Variants in EFCAB6 observed in about 807,000 individuals in gnomAD.
EFCAB6 encodes EF-hand calcium-binding domain-containing protein 6.
EFCAB6 carries 156 observed loss-of-function variants against 169.8 expected under a neutral mutation model. The observed-to-expected ratio is 0.92, with a 90% CI of 0.81 to 1.05. EFCAB6 has a LOEUF of 1.05. EFCAB6 is among the 50% of genes least tolerant of loss of function. The pLI is 0.00. For missense variants in EFCAB6, 1,800 were observed against 1,829.1 expected (o/e 0.98, Z 0.29); for synonymous variants, 698 against 676.4 (o/e 1.03, Z -0.50).
intron 22 of EFCAB6, among the ~76,000 whole-genome samples, chr22:43,606,741 C>T (rs1337030243): frequency 6.6e-6 from 1 of 152,238 alleles, no homozygotes; most frequent in Non-Finnish European, 1.5e-5. Flanking sequence ...CAGTTGTCAA[C>T]ACAGGGTGAA....
Position 43,537,654 on chromosome 22 carries a change from T to C in EFCAB6, c.3880-109A>G. The C allele has an allele frequency of 1.6e-6, 2 of 1,245,942 alleles. No homozygotes were observed. The highest frequency in any genetic ancestry group is 2.4e-4 in the Middle Eastern group (1 of 4,184). 77.2% of individuals were successfully genotyped at this position (1,245,942 alleles called of 1,614,324 possible). On this transcript the variant is annotated intron_variant, in intron 28 of 31. Coordinates refer to ENST00000262726, the MANE Select transcript of EFCAB6 (RefSeq NM_022785.4). This position sits in a 1 kb window ranked among gnomAD's most constrained non-coding sequence, Gnocchi z 4.3. ...GAGGTTCACAATTTTAGAGGCAGAA[T>C]TAGCCCAGAAATAAAATGAAGAATA... is the stretch of plus-strand genomic sequence containing the variant.
intron 17 of EFCAB6, among the ~76,000 whole-genome samples, chr22:43,656,876 G>A (rs1460035706): frequency 2.0e-5 from 3 of 152,152 alleles, no homozygotes; most frequent in African/African-American, 7.2e-5. Context: ...CAACCAAATC[G>A]CCTAACGATG....
At chr22:43,696,057 T>C (rs899505720) in intron 10 of EFCAB6, among the ~76,000 whole-genome samples, 5 of 152,070 alleles carry the variant, frequency 3.3e-5, no homozygotes, top group African/African-American at 7.2e-5. Flanking sequence ...TGAAAACATA[T>C]ATCTGATAAA....
At chr22:43,566,009 G>A (rs2049398084) in intron 26 of EFCAB6, among the ~76,000 whole-genome samples, 2 of 4,976 alleles carry the variant, frequency 4.0e-4, no homozygotes, top group African/African-American at 9.2e-4. Context: ...AAAACTGCCT[G>A]TCAAAAAAAA....
chr22:43,675,957 G>A (rs1436132312), intron 13 of EFCAB6, among the ~76,000 whole-genome samples: 1 of 151,914 alleles, frequency 6.6e-6, no homozygotes, highest in Non-Finnish European at 1.5e-5. Flanking sequence ...CATAATATAA[G>A]TAAGTAGAGA....
chr22:43,697,659 TG>T (rs1464078036), intron 10 of EFCAB6, among the ~76,000 whole-genome samples: 1 of 152,140 alleles, frequency 6.6e-6, no homozygotes, highest in African/African-American at 2.4e-5. Flanking sequence ...AGATAACAGC[TG>T]ATTATTTTGC....
intron 20 of EFCAB6, among the ~76,000 whole-genome samples, chr22:43,625,648 G>C (rs2054456358): frequency 6.6e-6 from 1 of 152,246 alleles, no homozygotes; most frequent in Non-Finnish European, 1.5e-5. Context: ...TATGGGCTGG[G>C]CAGGGGCCTA....
At chr22:43,561,656 C>T (rs1569160362) in intron 26 of EFCAB6, among the ~76,000 whole-genome samples, 1 of 152,172 alleles carries the variant, frequency 6.6e-6, no homozygotes, top group Non-Finnish European at 1.5e-5. Context: ...CACTTTTTAG[C>T]AAAGCTGCTC....
intron 5 of EFCAB6, among the ~76,000 whole-genome samples, chr22:43,758,373 T>G (rs1172208136): frequency 8.5e-5 from 13 of 152,160 alleles, no homozygotes; most frequent in Non-Finnish European, 1.9e-4. Flanking sequence ...TCATTTCAAT[T>G]TTTCTTCCAA....
chr22:43,608,459 A>C (rs2053072183), intron 22 of EFCAB6, 23 bp downstream of exon 22: 1 of 1,609,638 alleles, frequency 6.2e-7, no homozygotes, highest in Admixed American at 1.7e-5. Flanking sequence ...AATGGAAACC[A>C]ACCAGTCTCA....
intron 25 of EFCAB6, among the ~76,000 whole-genome samples, chr22:43,576,929 G>T (rs890697942): frequency 1.3e-5 from 2 of 152,148 alleles, no homozygotes; most frequent in South Asian, 4.1e-4. Flanking sequence ...AGACCCCACC[G>T]CATCACATCA....
At chr22:43,688,053 C>A (rs772937277) in intron 10 of EFCAB6, among the ~76,000 whole-genome samples, 1 of 152,164 alleles carries the variant, frequency 6.6e-6, no homozygotes, top group Non-Finnish European at 1.5e-5. Flanking sequence ...TCCAAGTGGG[C>A]CCACTCTAAT....
intron 17 of EFCAB6, among the ~76,000 whole-genome samples, chr22:43,642,014 C>T (rs1206097860): frequency 6.7e-6 from 1 of 150,140 alleles, no homozygotes; most frequent in East Asian, 2.0e-4. Context: ...AATCTTGGCT[C>T]ACCACAACCT....
At chr22:43,622,423 G>A (rs902952455) in intron 20 of EFCAB6, among the ~76,000 whole-genome samples, 3 of 151,998 alleles carry the variant, frequency 2.0e-5, no homozygotes, top group Non-Finnish European at 4.4e-5. Flanking sequence ...AAAATTAGCT[G>A]GGCATGGTGG....
In EFCAB6 at chr22:43,801,895, G is replaced by A. The variant is rs139444188; in HGVS notation, c.-8+7100C>T. Among the ~76,000 whole-genome samples, 715 of 152,114 alleles carry A rather than the reference G, an allele frequency of 4.7e-3. 5 individuals are homozygous for A. The highest frequency in any genetic ancestry group is 0.016 in the African/African-American group (672 of 41,488). On this transcript the variant is annotated intron_variant, in intron 2 of 31. Coordinates refer to ENST00000262726, the MANE Select transcript of EFCAB6 (RefSeq NM_022785.4). Reference sequence around the variant, plus strand: ...AATAACACTGAATGTTCATTGACTCGGTTCTCCAATTAAAAAGCATAGAGT... The same window carrying A: ...AATAACACTGAATGTTCATTGACTCAGTTCTCCAATTAAAAAGCATAGAGT...
intron 17 of EFCAB6, among the ~76,000 whole-genome samples, chr22:43,655,478 A>G (rs903737338): frequency 3.3e-5 from 5 of 151,500 alleles, no homozygotes; most frequent in Non-Finnish European, 7.4e-5. Context: ...ATAAGCTAAT[A>G]GACAGGAAAA....
At chr22:43,803,422 T>C (rs897499771) in intron 2 of EFCAB6, among the ~76,000 whole-genome samples, 2 of 152,194 alleles carry the variant, frequency 1.3e-5, no homozygotes, top group South Asian at 2.1e-4. Flanking sequence ...GATAGTCGGT[T>C]GAAGAAGGGA....
chr22:43,697,348 A>G (rs2147237177), intron 10 of EFCAB6, among the ~76,000 whole-genome samples: 2 of 152,320 alleles, frequency 1.3e-5, no homozygotes, highest in East Asian at 1.9e-4. Context: ...ATAATATTCT[A>G]TGAGAAAACA....
intron 20 of EFCAB6, among the ~76,000 whole-genome samples, chr22:43,624,817 T>A (rs2147816945): frequency 6.6e-6 from 1 of 152,342 alleles, no homozygotes; most frequent in East Asian, 1.9e-4. Context: ...AAATATTTGA[T>A]GAATGAGTGT....
Sources: gnomAD v4.1 joint callset for allele counts (sites outside exome capture counted in the v4.1 genomes callset) on GRCh38, gnomAD v4.1.1 for gene constraint, Gnocchi (gnomAD v3.1) non-coding constraint, MANE v1.5 for transcripts, NCBI Gene and HGNC (gene_info 2026-07-23, HGNC 2026-07-21) for gene names.